The following LARGE1 variants were observed in gnomAD, a reference collection of about 807,000 sequenced individuals.
LARGE1 encodes xylosyl- and glucuronyltransferase LARGE1.
In LARGE1, 43 loss-of-function variants were observed where a neutral mutation model predicts 87.6. The ratio of observed to expected loss-of-function variants is 0.49; its 90% CI spans 0.38 to 0.63. The LOEUF (loss-of-function observed/expected upper bound fraction) is 0.63, where lower values mean the gene tolerates loss of function less well. Ranked by LOEUF, LARGE1 falls within the 30% of genes least tolerant of loss-of-function variation. The pLI is 0.00. For missense variants in LARGE1, 802 were observed against 1,000.2 expected, an observed-to-expected ratio of 0.80 and a Z score of 2.67; for synonymous variants, 434 against 394.6, an observed-to-expected ratio of 1.10 and a Z score of -1.18.
At chr22:33,739,921 T>C (rs960413681) in intron 2 of LARGE1, among the ~76,000 whole-genome samples, 1 of 152,186 alleles carries the variant, frequency 6.6e-6, no homozygotes, top group African/African-American at 2.4e-5. Flanking sequence ...CCCCTGAATG[T>C]AGAAAGACAC....
intron 1 of LARGE1, among the ~76,000 whole-genome samples, chr22:33,814,513 G>A (rs2086592248): frequency 6.6e-6 from 1 of 152,304 alleles, no homozygotes; most frequent in South Asian, 2.1e-4. Context: ...TTAAGTAAAA[G>A]AGTCTATCCT....
At chr22:33,847,762 C>T (rs2063476799) in intron 1 of LARGE1, among the ~76,000 whole-genome samples, 1 of 152,214 alleles carries the variant, frequency 6.6e-6, no homozygotes, top group Non-Finnish European at 1.5e-5. Context: ...CCAAACAGTT[C>T]CTGGTTTTCA....
intron 11 of LARGE1, among the ~76,000 whole-genome samples, chr22:33,225,236 C>T (rs16991998): frequency 0.069 from 10,554 of 152,188 alleles, 423 homozygotes; most frequent in Middle Eastern, 0.12. Context: ...CTTGGCAAAG[C>T]GGTTGAGGCT....
chr22:33,745,435 T>A (rs933808342), intron 2 of LARGE1, among the ~76,000 whole-genome samples: 2 of 152,182 alleles, frequency 1.3e-5, no homozygotes, highest in Non-Finnish European at 2.9e-5. Flanking sequence ...CTGTCAGACC[T>A]GTCTCCTTCA....
At chr22:33,282,071 G>T (rs1014565012) in intron 13 of LARGE1, among the ~76,000 whole-genome samples, 3 of 152,200 alleles carry the variant, frequency 2.0e-5, no homozygotes, top group African/African-American at 7.2e-5. Flanking sequence ...AGGGCCAGGC[G>T]CAGTGGCTTA....
the LARGE1 span, among the ~76,000 whole-genome samples, chr22:33,130,455 A>C: frequency 6.6e-6 from 1 of 151,758 alleles, no homozygotes. Flanking sequence ...GCACCACTGC[A>C]CTCCAGCCTG....
intron 1 of LARGE1, among the ~76,000 whole-genome samples, chr22:33,764,953 C>A (rs1002667304): frequency 6.6e-6 from 1 of 152,134 alleles, no homozygotes; most frequent in African/African-American, 2.4e-5. Flanking sequence ...GTGGAACCCT[C>A]AGATATGAAG....
At chr22:33,887,259 C>T (rs2064878385) in intron 1 of LARGE1, among the ~76,000 whole-genome samples, 1 of 152,082 alleles carries the variant, frequency 6.6e-6, no homozygotes, top group Admixed American at 6.5e-5. Flanking sequence ...AAGGTGGAGC[C>T]CTCGAGAATA....
At chr22:33,712,958 A>C (rs1280856847) in intron 2 of LARGE1, among the ~76,000 whole-genome samples, 1 of 152,158 alleles carries the variant, frequency 6.6e-6, no homozygotes, top group Non-Finnish European at 1.5e-5. Flanking sequence ...AAAGGTACCT[A>C]AATTGCCTAC....
intron 13 of LARGE1, among the ~76,000 whole-genome samples, chr22:33,278,912 G>T (rs1004597658): frequency 6.6e-6 from 1 of 152,022 alleles, no homozygotes; most frequent in Admixed American, 6.6e-5. Context: ...TAGACACGGG[G>T]TTTCACCATG....
rs527916733 is a variant in LARGE1 at position 33,462,505 on chromosome 22, G to T, written c.788-30240C>A. Among the ~76,000 whole-genome samples, 110 of 152,308 alleles carry T rather than the reference G, an allele frequency of 7.2e-4. 1 individual carries two copies. In the East Asian group the frequency reaches 0.012, roughly 16 times the overall value. On this transcript the variant is annotated intron_variant, in intron 6 of 14. Coordinates refer to ENST00000397394, the MANE Select transcript of LARGE1 (RefSeq NM_133642.5). Reference sequence around the variant, plus strand: ...ATTTAAAAATATACCCACTGAGGCTGGGCGTGGTGGCTCAGGCCTGTAATC... The same window carrying T: ...ATTTAAAAATATACCCACTGAGGCTTGGCGTGGTGGCTCAGGCCTGTAATC...
chr22:33,073,210 T>C, the LARGE1 span, among the ~76,000 whole-genome samples: 2 of 152,192 alleles, frequency 1.3e-5, no homozygotes, highest in Non-Finnish European at 2.9e-5. Flanking sequence ...ATTCCTAAAG[T>C]TTAAATAAAC....
chr22:33,152,911 C>T, the LARGE1 span, among the ~76,000 whole-genome samples: 1 of 151,756 alleles, frequency 6.6e-6, no homozygotes, highest in African/African-American at 2.4e-5. Flanking sequence ...TTCCATTTTC[C>T]TGATGGTAAG....
At chr22:33,295,034 C>A (rs1352762840) in intron 12 of LARGE1, among the ~76,000 whole-genome samples, 2 of 152,148 alleles carry the variant, frequency 1.3e-5, no homozygotes, top group Non-Finnish European at 2.9e-5. Flanking sequence ...AAAAAGATAA[C>A]ATTTGCCCAG....
intron 11 of LARGE1, among the ~76,000 whole-genome samples, chr22:33,185,374 A>T (rs1175808717): frequency 6.6e-6 from 1 of 152,296 alleles, no homozygotes; most frequent in East Asian, 1.9e-4. Context: ...ACAGTAAAAA[A>T]GAACAGTGTT....
intron 1 of LARGE1, chr22:33,889,259 T>C (rs955400770): frequency 6.6e-6 from 1 of 152,252 alleles, no homozygotes; most frequent in African/African-American, 2.4e-5. Flanking sequence ...GTTTTAATTG[T>C]CAGGTTTGCA....
At chr22:33,069,204 T>C in the LARGE1 span, among the ~76,000 whole-genome samples, 1 of 152,076 alleles carries the variant, frequency 6.6e-6, no homozygotes, top group African/African-American at 2.4e-5. Flanking sequence ...CATTCGGCCG[T>C]CTAACAATGC....
chr22:33,331,169 G>A (rs976259678), intron 10 of LARGE1, among the ~76,000 whole-genome samples: 4 of 152,032 alleles, frequency 2.6e-5, no homozygotes, highest in African/African-American at 9.7e-5. Flanking sequence ...GCCTTCAATT[G>A]TTCATAAAAC....
rs1461545617 is a variant in LARGE1, at chr22:33,573,039, C to T, written c.616-8020G>A. On this transcript the variant is annotated intron_variant, in intron 5 of 14. Coordinates refer to ENST00000397394, the MANE Select transcript of LARGE1 (RefSeq NM_133642.5). Reference sequence around the variant, plus strand: ...TTCATCAGTAAATTGGGGCTACTTACAGCACATACTCCATGGGATTGTGAA... The same window carrying T: ...TTCATCAGTAAATTGGGGCTACTTATAGCACATACTCCATGGGATTGTGAA... Among the ~76,000 whole-genome samples, 3 of 152,144 alleles carry T rather than the reference C, an allele frequency of 2.0e-5. No homozygotes were observed. The East Asian group carries it at 5.8e-4, about 29-fold the overall frequency.
Sources: gnomAD v4.1 joint callset for allele counts (sites outside exome capture counted in the v4.1 genomes callset) on GRCh38, gnomAD v4.1.1 for gene constraint, MANE v1.5 for transcripts, NCBI Gene and HGNC (gene_info 2026-07-23, HGNC 2026-07-21) for gene names.